Variants in ESR2 observed in about 807,000 individuals in gnomAD.
ESR2 encodes the protein estrogen receptor 2.
Under a neutral mutation model 49.6 loss-of-function variants are expected in ESR2, and 36 were observed. The ratio of observed to expected loss-of-function variants is 0.73; its 90% confidence interval spans 0.56 to 0.96. ESR2 has a LOEUF of 0.96. ESR2 is among the 40% of genes least tolerant of loss of function. ESR2 has a pLI of 0.00. For missense variants in ESR2, 714 were observed against 693.0 expected (o/e 1.03, Z -0.34); for synonymous variants, 320 against 266.1 (o/e 1.20, Z -1.97).
intron 3 of ESR2, among the ~76,000 whole-genome samples, chr14:64,275,444 C>A (rs2076539604): frequency 6.6e-6 from 1 of 152,112 alleles, no homozygotes; most frequent in Admixed American, 6.6e-5. Flanking sequence ...TTTTCCATCC[C>A]TTTATTTTCA....
chr14:64,233,370 C>T (rs1462413707), intron 8 of ESR2, 47 bp from the exon 9 acceptor site: 1 of 1,573,716 alleles, frequency 6.4e-7, no homozygotes, highest in African/African-American at 1.3e-5. Flanking sequence ...GAGGCAGCCA[C>T]AGGAACCCCG....
At chr14:64,239,690 A>T (rs1284302240) in intron 7 of ESR2, among the ~76,000 whole-genome samples, 1 of 152,154 alleles carries the variant, frequency 6.6e-6, no homozygotes, top group African/African-American at 2.4e-5. Flanking sequence ...TTATAAAAAC[A>T]CTCTAACAAG....
chr14:64,301,893 T>C (rs1596474358), intron 1 of ESR2, among the ~76,000 whole-genome samples: 2 of 152,208 alleles, frequency 1.3e-5, no homozygotes, highest in East Asian at 3.9e-4. Context: ...TTCCCAGGTG[T>C]ACAGAAGCCT....
intron 1 of ESR2, among the ~76,000 whole-genome samples, chr14:64,324,149 T>C (rs1451915424): frequency 2.0e-5 from 3 of 152,248 alleles, no homozygotes; most frequent in African/African-American, 7.2e-5. Context: ...GGTACCCTTA[T>C]AGTCTCGAAC....
intron 5 of ESR2, among the ~76,000 whole-genome samples, chr14:64,258,941 G>A (rs76188947): frequency 5.9e-5 from 9 of 152,270 alleles, no homozygotes; most frequent in East Asian, 1.9e-4. Flanking sequence ...TTATGTCTAC[G>A]TTTCCTGAAA....
chr14:64,278,254 A>G (rs1567770674), intron 3 of ESR2, among the ~76,000 whole-genome samples: 1 of 152,186 alleles, frequency 6.6e-6, no homozygotes, highest in African/African-American at 2.4e-5. Flanking sequence ...GAAAATCCCT[A>G]TGAGTATCTC....
intron 5 of ESR2, among the ~76,000 whole-genome samples, chr14:64,258,745 A>C (rs192158873): frequency 9.8e-5 from 15 of 152,362 alleles, no homozygotes; most frequent in African/African-American, 2.9e-4. Context: ...TTAGGTTCCT[A>C]ATGTGTATAT....
chr14:64,262,289 A>G (rs1333871190), intron 4 of ESR2, among the ~76,000 whole-genome samples: 1 of 151,716 alleles, frequency 6.6e-6, no homozygotes, highest in Admixed American at 6.6e-5. Flanking sequence ...TAATTTTTGT[A>G]TTTTTTGTAA....
chr14:64,283,169 T>C, intron 1 of ESR2, 94 bp from the exon 2 acceptor site: 1 of 519,072 alleles, frequency 1.9e-6, no homozygotes, highest in Non-Finnish European at 3.3e-6. Flanking sequence ...CATACGTTTG[T>C]ATGAGATTAC....
At chr14:64,234,125 C>T (rs1021349603) in intron 8 of ESR2, 3 of 152,278 alleles carry the variant, frequency 2.0e-5, no homozygotes, top group Admixed American at 1.3e-4. Flanking sequence ...CAGATAAATT[C>T]ACAATGAAGG....
chr14:64,288,894 G>A (rs1278794508), intron 1 of ESR2, among the ~76,000 whole-genome samples: 1 of 150,390 alleles, frequency 6.6e-6, no homozygotes, highest in Non-Finnish European at 1.5e-5. Context: ...GCTGAGGCAG[G>A]AGAATCGCTT....
upstream of ESR2, among the ~76,000 whole-genome samples, chr14:64,296,043 C>CAAAAA (rs34335763): frequency 5.7e-4 from 51 of 89,224 alleles, 1 homozygote; most frequent in East Asian, 6.0e-3. Context: ...GACTCTGTCT[C>CAAAAA]AAAAAAAAAA....
chr14:64,292,068 T>C (rs568959265), intron 1 of ESR2, among the ~76,000 whole-genome samples: 6 of 152,322 alleles, frequency 3.9e-5, no homozygotes, highest in East Asian at 1.9e-4. Flanking sequence ...TGCTAAGAAC[T>C]AAATCTATTA....
intron 1 of ESR2, among the ~76,000 whole-genome samples, chr14:64,304,011 T>C (rs1444448962): frequency 6.6e-6 from 1 of 152,192 alleles, no homozygotes; most frequent in Non-Finnish European, 1.5e-5. Context: ...CACAAAATAC[T>C]GTTAATATTA....
chr14:64,328,573 A>C (rs943573872), intron 1 of ESR2, among the ~76,000 whole-genome samples: 11 of 152,218 alleles, frequency 7.2e-5, no homozygotes, highest in African/African-American at 2.7e-4. Context: ...AGGACATCAC[A>C]CACGGTATCT....
intron 1 of ESR2, among the ~76,000 whole-genome samples, chr14:64,307,772 G>A (rs1356061330): frequency 6.6e-6 from 1 of 152,036 alleles, no homozygotes; most frequent in Non-Finnish European, 1.5e-5. Flanking sequence ...CTGACCTCGT[G>A]ATCCACCCGC....
chr14:64,251,709 G>T (rs1255093582), intron 6 of ESR2, among the ~76,000 whole-genome samples: 1 of 152,102 alleles, frequency 6.6e-6, no homozygotes, highest in Non-Finnish European at 1.5e-5. Context: ...AAAGAACTAG[G>T]TCTGATTGCT....
chr14:64,314,852 T>C (rs2077232264), intron 1 of ESR2, among the ~76,000 whole-genome samples: 2 of 114,940 alleles, frequency 1.7e-5, no homozygotes, highest in Non-Finnish European at 1.7e-5. Context: ...CACTCTGGCC[T>C]GGGTAACAGA....
chr14:64,232,899 G>T lies in ESR2; in HGVS notation c.*238C>A. The T allele has an allele frequency of 1.6e-6, 1 of 626,092 alleles. No homozygotes were observed. Among genetic ancestry groups the T allele is most frequent in the Non-Finnish European group, 2.5e-6 (1 of 408,004 alleles). The allele number at this position is 626,092 out of a possible 1,614,324, so 38.8% of individuals were successfully genotyped here. On this transcript the variant is annotated 3_prime_UTR_variant, in exon 9 of 9. Coordinates refer to ENST00000341099, the MANE Select transcript of ESR2 (RefSeq NM_001437.3). ...AAAGACCACACTGAGATCCTATGAG[G>T]CCATTGAGTGTGGAAACGCTGCATT...
Sources: gnomAD v4.1 joint callset for allele counts (sites outside exome capture counted in the v4.1 genomes callset) on GRCh38, gnomAD v4.1.1 for gene constraint, MANE v1.5 for transcripts, NCBI Gene and HGNC (gene_info 2026-07-23, HGNC 2026-07-21) for gene names.